Variants in SLC61A1 observed in about 807,000 individuals in gnomAD.
The protein encoded by SLC61A1 is solute carrier family 61 member 1.
At chr12:53,253,710 G>C in the SLC61A1 span, 2 of 1,614,010 alleles carry the variant, frequency 1.2e-6, no homozygotes, top group Admixed American at 3.3e-5. Flanking sequence ...ATGGCAGCCA[G>C]CCTGCTTGGC....
the SLC61A1 span, chr12:53,252,846 C>G: frequency 6.2e-7 from 1 of 1,613,968 alleles, no homozygotes; most frequent in South Asian, 1.1e-5. Flanking sequence ...ATGCTGGTGA[C>G]TGCCTACCTT....
chr12:53,253,696 C>T, the SLC61A1 span: 1 of 1,614,074 alleles, frequency 6.2e-7, no homozygotes, highest in African/African-American at 1.3e-5. Flanking sequence ...TCTTCTCCAG[C>T]TTCATGGCAG....
chr12:53,252,869 C>G, the SLC61A1 span: 3 of 1,614,136 alleles, frequency 1.9e-6, no homozygotes, highest in Non-Finnish European at 1.7e-6. Flanking sequence ...TTTTGTAGGC[C>G]TCCTGGCCTC....
chr12:53,252,787 A>C, the SLC61A1 span: 2 of 1,604,844 alleles, frequency 1.2e-6, no homozygotes, highest in African/African-American at 2.7e-5. Flanking sequence ...CGAAGGATGG[A>C]TATGGCTCTG....
the SLC61A1 span, chr12:53,253,016 C>T: frequency 6.2e-7 from 1 of 1,614,184 alleles, no homozygotes; most frequent in Non-Finnish European, 8.5e-7. Flanking sequence ...GCTTCAGGCC[C>T]CCTACCTCTA....
the SLC61A1 span, chr12:53,252,189 G>A: frequency 2.1e-6 from 3 of 1,419,734 alleles, no homozygotes; most frequent in Non-Finnish European, 2.7e-6. Flanking sequence ...CCGAGCCGGA[G>A]CCGGAGCCAC....
At chr12:53,251,625 G>T in the SLC61A1 span, 1 of 1,194,446 alleles carries the variant, frequency 8.4e-7, no homozygotes, top group East Asian at 2.6e-5. Flanking sequence ...CACACAGCTG[G>T]TAAGTGACAG....
the SLC61A1 span, chr12:53,253,213 C>G: frequency 1.2e-6 from 2 of 1,614,282 alleles, no homozygotes; most frequent in Non-Finnish European, 1.7e-6. Flanking sequence ...TCTCTCAAGA[C>G]TACTTTGTGC....
the SLC61A1 span, chr12:53,254,205 G>C: frequency 1.9e-5 from 31 of 1,608,412 alleles, no homozygotes; most frequent in African/African-American, 2.7e-5. Flanking sequence ...TCCAGGACAA[G>C]ATAGCTGGGA....
the SLC61A1 span, chr12:53,253,579 C>T: frequency 4.3e-6 from 7 of 1,613,856 alleles, no homozygotes; most frequent in African/African-American, 8.0e-5. Flanking sequence ...CGGACCGCCG[C>T]GTGCTGCTGT....
chr12:53,252,666 C>T, the SLC61A1 span, among the ~76,000 whole-genome samples: 1 of 152,158 alleles, frequency 6.6e-6, no homozygotes, highest in African/African-American at 2.4e-5. Context: ...CGTGGCCACT[C>T]CTCCCACCCA....
the SLC61A1 span, chr12:53,252,129 C>T: frequency 9.7e-6 from 14 of 1,441,108 alleles, no homozygotes; most frequent in East Asian, 7.5e-5. Flanking sequence ...GGCCAGAGGC[C>T]TGCCCGGCTC....
chr12:53,253,986 C>T, the SLC61A1 span: 1 of 1,614,200 alleles, frequency 6.2e-7, no homozygotes, highest in South Asian at 1.1e-5. Context: ...TTCCGGGTAC[C>T]TCTGCACTCA....
chr12:53,252,210 G>A, the SLC61A1 span: 3 of 1,415,424 alleles, frequency 2.1e-6, no homozygotes, highest in South Asian at 3.1e-5. Context: ...AGCGGGGAGG[G>A]TGGCCTGGCG....
chr12:53,253,243 T>C, the SLC61A1 span: 1 of 1,614,222 alleles, frequency 6.2e-7, no homozygotes, highest in Non-Finnish European at 8.5e-7. Flanking sequence ...GGCGAGCACT[T>C]GGTGGGCTGT....
chr12:53,253,435 T>C, the SLC61A1 span: 1 of 1,614,126 alleles, frequency 6.2e-7, no homozygotes, highest in Non-Finnish European at 8.5e-7. Context: ...GGCTGGGGCC[T>C]GTAGCGCCCT....
the SLC61A1 span, chr12:53,253,779 T>C: frequency 6.2e-7 from 1 of 1,614,246 alleles, no homozygotes; most frequent in Non-Finnish European, 8.5e-7. Context: ...ATGCACCTGC[T>C]GTCCCTTGCT....
chr12:53,251,585 C>T, the SLC61A1 span: 1 of 757,426 alleles, frequency 1.3e-6, no homozygotes, highest in Non-Finnish European at 2.1e-6. Context: ...GAAACTGGGA[C>T]ACTGGGAAGT....
At chr12:53,254,054 A>G in the SLC61A1 span, 1 of 1,614,164 alleles carries the variant, frequency 6.2e-7, no homozygotes, top group Non-Finnish European at 8.5e-7. Context: ...AGGCACTCGG[A>G]ATATGTTCAG....
Sources: gnomAD v4.1 joint callset for allele counts (sites outside exome capture counted in the v4.1 genomes callset) on GRCh38, gnomAD v4.1.1 for gene constraint, MANE v1.5 for transcripts, NCBI Gene and HGNC (gene_info 2026-07-23, HGNC 2026-07-21) for gene names.